Variants in TENT5D observed in about 807,000 individuals in gnomAD.
TENT5D encodes the protein cancer/testis antigen 112.
For synonymous variants in TENT5D, 103 were observed against 100.6 expected, an observed-to-expected ratio of 1.02 and a Z score of -0.15; for missense variants, 191 against 287.0, an observed-to-expected ratio of 0.67 and a Z score of 2.42.
intron 2 of TENT5D, among the ~76,000 whole-genome samples, chrX:80,337,727 G>C (rs998565001): frequency 5.4e-5 from 6 of 111,451 alleles, no homozygotes; most frequent in African/African-American, 2.0e-4. Context: ...AATGATTAAG[G>C]TTAACTTTTA....
chrX:80,350,898 CAGTTATG>C (rs1186835609), intron 3 of TENT5D, among the ~76,000 whole-genome samples: 1 of 111,659 alleles, frequency 9.0e-6, no homozygotes, highest in East Asian at 2.8e-4. Context: ...ATTTCTCCTT[CAGTTATG>C]AAACTTAGTT....
intron 3 of TENT5D, among the ~76,000 whole-genome samples, chrX:80,382,532 C>T (rs980730318): frequency 2.7e-5 from 3 of 111,961 alleles, no homozygotes; most frequent in African/African-American, 9.7e-5. Flanking sequence ...CAGACAGGTA[C>T]GTTTAAGTCT....
chrX:80,352,106 C>T (rs1381111099), intron 3 of TENT5D, among the ~76,000 whole-genome samples: 1 of 112,085 alleles, frequency 8.9e-6, no homozygotes, highest in East Asian at 2.8e-4. Flanking sequence ...GGTATTCTCC[C>T]AGTCAGGAGG....
At chrX:80,391,576 C>T (rs1241153717) in intron 3 of TENT5D, among the ~76,000 whole-genome samples, 2 of 111,439 alleles carry the variant, frequency 1.8e-5, no homozygotes, top group Non-Finnish European at 3.8e-5. Flanking sequence ...GTGTATGTAC[C>T]TTAACCTTGT....
chrX:80,356,073 G>A (rs1930277988), intron 3 of TENT5D, among the ~76,000 whole-genome samples: 1 of 111,930 alleles, frequency 8.9e-6, no homozygotes, highest in Non-Finnish European at 1.9e-5. Flanking sequence ...ATATTTTGAG[G>A]TTTTGTTATT....
At chrX:80,431,467 A>G (rs1324598870) in intron 1 of TENT5D, among the ~76,000 whole-genome samples, 2 of 111,946 alleles carry the variant, frequency 1.8e-5, no homozygotes, top group African/African-American at 6.5e-5. Context: ...AGGGCTTGAT[A>G]GGCTGTCTTA....
At chrX:80,341,708 T>C (rs1301055935) in intron 2 of TENT5D, among the ~76,000 whole-genome samples, 2 of 106,988 alleles carry the variant, frequency 1.9e-5, no homozygotes, top group African/African-American at 6.6e-5. Flanking sequence ...AATAATTCTT[T>C]TCTTTTTTTT....
At chrX:80,396,897 G>A (rs1302911756) in intron 3 of TENT5D, among the ~76,000 whole-genome samples, 2 of 39,396 alleles carry the variant, frequency 5.1e-5, no homozygotes, top group African/African-American at 9.6e-5. Flanking sequence ...CTGGCCGGGC[G>A]GGGGGCTGAC....
chrX:80,347,183 G>A (rs778052908), intron 3 of TENT5D, among the ~76,000 whole-genome samples: 1 of 111,499 alleles, frequency 9.0e-6, no homozygotes, highest in African/African-American at 3.3e-5. Flanking sequence ...AATCCTGTGG[G>A]TATATACCCA....
chrX:80,439,222 G>A (rs1932235972), intron 2 of TENT5D, among the ~76,000 whole-genome samples: 1 of 111,483 alleles, frequency 9.0e-6, no homozygotes, highest in Admixed American at 9.6e-5. Flanking sequence ...AAGAGTTTCT[G>A]CCTTGAATTT....
chrX:80,373,627 C>A (rs1364502453), intron 3 of TENT5D, among the ~76,000 whole-genome samples: 1 of 110,912 alleles, frequency 9.0e-6, no homozygotes, highest in Non-Finnish European at 1.9e-5. Flanking sequence ...TTGACCAAAG[C>A]TATATATCTA....
intron 1 of TENT5D, among the ~76,000 whole-genome samples, chrX:80,432,342 G>A (rs893016047): frequency 9.0e-6 from 1 of 111,230 alleles, no homozygotes; most frequent in Non-Finnish European, 1.9e-5. Flanking sequence ...TCACGTGACA[G>A]CTAGGTCCTT....
intron 3 of TENT5D, among the ~76,000 whole-genome samples, chrX:80,357,589 G>A (rs1361932391): frequency 9.0e-6 from 1 of 111,113 alleles, no homozygotes; most frequent in African/African-American, 3.3e-5. Context: ...CATATCCTTT[G>A]CCCACTTGTT....
chrX:80,342,151 A>T (rs1210929907), intron 2 of TENT5D, among the ~76,000 whole-genome samples: 2 of 111,953 alleles, frequency 1.8e-5, no homozygotes, highest in Non-Finnish European at 3.8e-5. Flanking sequence ...AATTTATTTT[A>T]AAAAAAGGAA....
intron 3 of TENT5D, among the ~76,000 whole-genome samples, chrX:80,382,149 T>G (rs1930879617): frequency 8.9e-6 from 1 of 111,939 alleles, no homozygotes; most frequent in African/African-American, 3.3e-5. Flanking sequence ...GGTGTGGATG[T>G]CCTTTTTGTT....
chrX:80,397,324 AGAC>A (rs1402617401), intron 3 of TENT5D, among the ~76,000 whole-genome samples: 1 of 100,257 alleles, frequency 1.0e-5, no homozygotes, highest in African/African-American at 3.8e-5. Flanking sequence ...CCCACATCTC[AGAC>A]GATGGGCGGC....
chrX:80,392,014 T>A (rs2147538336), intron 3 of TENT5D, among the ~76,000 whole-genome samples: 1 of 112,475 alleles, frequency 8.9e-6, no homozygotes, highest in South Asian at 3.7e-4. Flanking sequence ...AGGATTTTTA[T>A]CATGCTTCTA....
intron 3 of TENT5D, among the ~76,000 whole-genome samples, chrX:80,344,661 T>G (rs1336204296): frequency 9.0e-6 from 1 of 111,053 alleles, no homozygotes; most frequent in Non-Finnish European, 1.9e-5. Context: ...TCAATAACTT[T>G]GATATTCATG....
At chrX:80,358,711 A>G (rs911847283) in intron 3 of TENT5D, among the ~76,000 whole-genome samples, 32 of 112,139 alleles carry the variant, frequency 2.9e-4, no homozygotes, top group African/African-American at 9.1e-4. Context: ...ACATTCTGTT[A>G]TTTCACAGCT....
Sources: allele counts gnomAD v4.1 joint callset (sites outside exome capture counted in the v4.1 genomes callset), GRCh38; gene constraint gnomAD v4.1.1; transcripts MANE v1.5; gene names NCBI Gene and HGNC (gene_info 2026-07-23, HGNC 2026-07-21).